The following ASTN2 variants were observed in gnomAD, a reference collection of about 807,000 sequenced individuals.
ASTN2 encodes the protein astrotactin-2.
In ASTN2, 54 loss-of-function variants were observed where a neutral mutation model predicts 139.8. The ratio of observed to expected loss-of-function variants is 0.39; its 90% CI spans 0.31 to 0.48. ASTN2 has a LOEUF of 0.48. Among genes scored for constraint, ASTN2 ranks in the 20% least tolerant of loss-of-function variants. The probability of loss-of-function intolerance (pLI) is 0.95; values close to 1 mark genes in which losing one functional copy is unlikely to be tolerated. For synonymous variants in ASTN2, 756 were observed against 719.5 expected, an observed-to-expected ratio of 1.05 and a Z score of -0.81; for missense variants, 1,565 against 1,725.1, an observed-to-expected ratio of 0.91 and a Z score of 1.64.
chr9:117,011,744 A>G (rs1837543486), intron 6 of ASTN2, among the ~76,000 whole-genome samples: 1 of 152,210 alleles, frequency 6.6e-6, no homozygotes, highest in African/African-American at 2.4e-5. Context: ...ATTTCTTCCA[A>G]TTGAACATGA....
At chr9:116,804,056 G>T (rs1830967520) in intron 13 of ASTN2, among the ~76,000 whole-genome samples, 2 of 151,914 alleles carry the variant, frequency 1.3e-5, no homozygotes, top group African/African-American at 4.8e-5. Context: ...GTGTCAGAGG[G>T]GCCATTTCTA....
At chr9:117,365,162 CAAACAA>C (rs1245133202) in intron 1 of ASTN2, among the ~76,000 whole-genome samples, 2 of 130,400 alleles carry the variant, frequency 1.5e-5, no homozygotes, top group Non-Finnish European at 3.3e-5. Context: ...CAAAAACAAA[CAAACAA>C]AAACAAAAAC....
rs764826565 is a variant in ASTN2, at chr9:116,997,807, A to G, written c.1591+10285T>C. Among the ~76,000 whole-genome samples, 118 of 152,342 alleles carry G rather than the reference A, an allele frequency of 7.7e-4. No homozygotes were observed. The Middle Eastern group carries it at 0.01, about 13-fold the overall frequency. ...GTCTTTGCATGGTGTTTGGTACACA[A>G]TAAGTGCCTAATAATTTTAGATGTT... On this transcript the variant is annotated intron_variant, in intron 7 of 22. Coordinates refer to ENST00000313400, the MANE Select transcript of ASTN2 (RefSeq NM_001365068.1).
intron 19 of ASTN2, among the ~76,000 whole-genome samples, chr9:116,567,847 C>T (rs1257171133): frequency 6.6e-6 from 1 of 152,120 alleles, no homozygotes; most frequent in Admixed American, 6.5e-5. Context: ...TTACACCCCT[C>T]TCCCAAAATG....
At chr9:116,867,671 G>T (rs1833053776) in intron 10 of ASTN2, among the ~76,000 whole-genome samples, 1 of 152,022 alleles carries the variant, frequency 6.6e-6, no homozygotes, top group African/African-American at 2.4e-5. Context: ...ACCTTTCTCT[G>T]GAAGCTAGAG....
intron 19 of ASTN2, among the ~76,000 whole-genome samples, chr9:116,557,187 G>A (rs1163019096): frequency 1.6e-5 from 2 of 127,188 alleles, no homozygotes; most frequent in Non-Finnish European, 3.1e-5. Context: ...TCATGCCACT[G>A]TGCTCCAGCC....
intron 19 of ASTN2, among the ~76,000 whole-genome samples, chr9:116,519,667 A>T (rs1850788331): frequency 6.6e-6 from 1 of 152,110 alleles, no homozygotes; most frequent in Non-Finnish European, 1.5e-5. Flanking sequence ...ATCAGAGCAG[A>T]ATTAAATGAA....
rs80298617 is a variant in ASTN2, at chr9:116,667,502, T to C, written c.2807-15709A>G. Among the ~76,000 whole-genome samples the C allele has an allele frequency of 1.2e-3, 183 of 152,222 alleles. 2 individuals carry two copies. The East Asian group carries it at 0.034, about 28-fold the overall frequency. On this transcript the variant is annotated intron_variant, in intron 16 of 22. Coordinates refer to ENST00000313400, the MANE Select transcript of ASTN2 (RefSeq NM_001365068.1). Reference sequence around the variant, plus strand: ...AACAGCTGAAGCAAAGTTGGCAAAATATTGACAACAATTATTGCTAGGTGA... The same window carrying C: ...AACAGCTGAAGCAAAGTTGGCAAAACATTGACAACAATTATTGCTAGGTGA...
At chr9:117,275,491 C>T (rs1239038551) in intron 2 of ASTN2, among the ~76,000 whole-genome samples, 1 of 151,848 alleles carries the variant, frequency 6.6e-6, no homozygotes, top group Non-Finnish European at 1.5e-5. Context: ...AGATGGACAC[C>T]GTCTTGCCCT....
chr9:117,102,526 T>TTAG (rs1281166199), intron 4 of ASTN2, among the ~76,000 whole-genome samples: 1 of 152,006 alleles, frequency 6.6e-6, no homozygotes, highest in Non-Finnish European at 1.5e-5. Context: ...AAATGATTTA[T>TTAG]TATTATTATT....
chr9:117,367,080 C>T (rs948413153), intron 1 of ASTN2, among the ~76,000 whole-genome samples: 3 of 152,118 alleles, frequency 2.0e-5, no homozygotes, highest in Admixed American at 2.0e-4. Context: ...GCCATTCCAT[C>T]TTCTTTTTCA....
At position 117,373,892 on chromosome 9, in the gene ASTN2, C is replaced by G. The variant is rs539087613; in HGVS notation, c.442+40605G>C. Among the ~76,000 whole-genome samples the G allele has an allele frequency of 3.3e-5, 5 of 152,196 alleles. No homozygotes were observed. The South Asian group carries it at 1.0e-3, about 32-fold the overall frequency. ...GGACAGCACATATCCTAACATGTTC[C>G]AGGGAAGAGCTAATAGAGTTACTGA... On this transcript the variant is annotated intron_variant, in intron 1 of 22. Transcript: ENST00000313400.
At chr9:117,072,526 A>C (rs1481472894) in intron 5 of ASTN2, among the ~76,000 whole-genome samples, 2 of 152,186 alleles carry the variant, frequency 1.3e-5, no homozygotes, top group Non-Finnish European at 2.9e-5. Context: ...GATGAAAAGA[A>C]GAATGAATCA....
chr9:116,656,712 T>G (rs933888234), intron 16 of ASTN2, among the ~76,000 whole-genome samples: 1 of 144,020 alleles, frequency 6.9e-6, no homozygotes, highest in Admixed American at 7.0e-5. Flanking sequence ...AAGCCTCAGT[T>G]GAAGTGACAA....
intron 19 of ASTN2, chr9:116,552,091 CT>C (rs1292060440): frequency 3.3e-5 from 5 of 152,138 alleles, no homozygotes; most frequent in Non-Finnish European, 7.3e-5. Flanking sequence ...TCCATGAAGA[CT>C]TTGCTTCCTT....
chr9:116,579,590 C>T (rs1420745635), intron 19 of ASTN2, among the ~76,000 whole-genome samples: 1 of 152,054 alleles, frequency 6.6e-6, no homozygotes, highest in Non-Finnish European at 1.5e-5. Context: ...AAGGGCTAAC[C>T]CTTGCTCCAG....
In ASTN2 at chr9:116,462,155, G is replaced by A. The variant is rs191371099; in HGVS notation, c.3498-19602C>T. Among the ~76,000 whole-genome samples, 113 of 152,246 alleles carry A rather than the reference G, an allele frequency of 7.4e-4. 2 individuals carry two copies. The highest frequency in any genetic ancestry group is 6.8e-3 in the Middle Eastern group (2 of 294). ...GACCACTCTCTTTCTGCTACAATTT[G>A]AGCCCCCATGGGACATTTTTAAAAT... is the stretch of plus-strand genomic sequence containing the variant. On this transcript the variant is annotated intron_variant, in intron 20 of 22. Coordinates refer to ENST00000313400, the MANE Select transcript of ASTN2 (RefSeq NM_001365068.1).
At chr9:116,888,700 TAA>T (rs56244330) in intron 10 of ASTN2, among the ~76,000 whole-genome samples, 1 of 148,612 alleles carries the variant, frequency 6.7e-6, no homozygotes, top group East Asian at 2.0e-4. Flanking sequence ...TTTTTGTAAT[TAA>T]AAAAAAAAAT....
At chr9:117,101,076 AG>A (rs1828965207) in intron 4 of ASTN2, among the ~76,000 whole-genome samples, 1 of 152,204 alleles carries the variant, frequency 6.6e-6, no homozygotes, top group African/African-American at 2.4e-5. Context: ...ACAAAGACCA[AG>A]AAGTGAGAGT....
Sources: allele counts gnomAD v4.1 joint callset (sites outside exome capture counted in the v4.1 genomes callset), GRCh38; gene constraint gnomAD v4.1.1; transcripts MANE v1.5; gene names NCBI Gene and HGNC (gene_info 2026-07-23, HGNC 2026-07-21).